WNT7B: variants seen among roughly 807,000 people sequenced by gnomAD.
WNT7B encodes the protein protein Wnt-7b.
Under a neutral mutation model 38.2 loss-of-function variants are expected in WNT7B, and 19 were observed. The ratio of observed to expected loss-of-function variants is 0.50; its 90% CI spans 0.35 to 0.73. The LOEUF (loss-of-function observed/expected upper bound fraction) is 0.73, where lower values mean the gene tolerates loss of function less well. Ranked by LOEUF, WNT7B falls within the 30% of genes least tolerant of loss-of-function variation. WNT7B has a pLI of 0.01. For synonymous variants in WNT7B, 243 were observed against 209.3 expected, an observed-to-expected ratio of 1.16 and a Z score of -1.39; for missense variants, 423 against 507.9, an observed-to-expected ratio of 0.83 and a Z score of 1.61.
At chr22:45,946,577 G>A (rs1408175855) in intron 2 of WNT7B, among the ~76,000 whole-genome samples, 1 of 152,152 alleles carries the variant, frequency 6.6e-6, no homozygotes, top group East Asian at 1.9e-4. Flanking sequence ...AGCCTCTCTC[G>A]ACACATGAGG....
intron 1 of WNT7B, chr22:45,972,116 G>GGGGGGGCCCCCCCC: frequency 1.3e-5 from 7 of 530,722 alleles, no homozygotes; most frequent in Admixed American, 4.1e-5. Flanking sequence ...CCCGGGGGGA[G>GGGGGGGCCCCCCCC]CCCACCCGCC....
chr22:45,932,418 C>CCG (rs368545717), intron 2 of WNT7B, among the ~76,000 whole-genome samples: 2 of 149,870 alleles, frequency 1.3e-5, no homozygotes, highest in Admixed American at 6.6e-5. Flanking sequence ...CTTCCCAGAC[C>CCG]CCCCCCGCCA....
intron 1 of WNT7B, chr22:45,954,868 G>A: frequency 3.2e-6 from 2 of 621,798 alleles, no homozygotes; most frequent in Non-Finnish European, 4.0e-6. Context: ...CTTGCTAGGT[G>A]AGTGGTGCCA....
At chr22:45,930,924 C>T (rs1237299625) in intron 3 of WNT7B, among the ~76,000 whole-genome samples, 174 bp downstream of exon 3, 1 of 152,162 alleles carries the variant, frequency 6.6e-6, no homozygotes, top group Admixed American at 6.5e-5. Flanking sequence ...ACAGCCTCCT[C>T]CCGGTGCTGG....
chr22:45,959,825 C>T (rs577386339), intron 1 of WNT7B, among the ~76,000 whole-genome samples: 293 of 152,290 alleles, frequency 1.9e-3, no homozygotes, highest in African/African-American at 6.7e-3. Context: ...AAGCATTCCC[C>T]AGAAGGACCG....
intron 3 of WNT7B, among the ~76,000 whole-genome samples, chr22:45,929,715 T>G (rs573555603): frequency 4.1e-5 from 6 of 146,912 alleles, no homozygotes; most frequent in Non-Finnish European, 8.9e-5. Flanking sequence ...CATCCACCCG[T>G]GAATCCACTC....
chr22:45,953,721 T>TG (rs1055386902), intron 1 of WNT7B, among the ~76,000 whole-genome samples: 4 of 106,720 alleles, frequency 3.7e-5, no homozygotes, highest in African/African-American at 2.0e-4. Context: ...ATGGCTATGA[T>TG]TTAAAAAAAA....
rs1192276822 is a variant in WNT7B, at chr22:45,951,277, G to C, written c.72-1131C>G. On this transcript the variant is annotated intron_variant, in intron 1 of 3. Transcript: ENST00000339464. The surrounding 1 kb of genome is among the most constrained non-coding windows in gnomAD (Gnocchi z 4.8). ...TTTTTAGTAGAGACAGGATTTCACT[G>C]TGTTGGCCAGGCTGGTCTCGAACTC... 1.3e-5 allele frequency among the ~76,000 whole-genome samples: 2 copies of C among 151,970 alleles called. No individual in the cohort carries two copies. Among genetic ancestry groups the C allele is most frequent in the Non-Finnish European group, 2.9e-5 (2 of 68,002 alleles).
intron 2 of WNT7B, among the ~76,000 whole-genome samples, chr22:45,938,016 AAAT>A (rs1281067753): frequency 1.3e-5 from 2 of 152,222 alleles, no homozygotes; most frequent in Non-Finnish European, 2.9e-5. Context: ...CTAAAAAAAA[AAAT>A]GACATTTTCT....
chr22:45,975,812 C>A lies in WNT7B; in HGVS notation c.71+872G>T. Reference sequence around the variant, plus strand: ...GGGGCCAGCAGCGGGCGGTGGGCGCCCCAGGCGAGGTGCACCGCACCCCCT... The same window carrying A: ...GGGGCCAGCAGCGGGCGGTGGGCGCACCAGGCGAGGTGCACCGCACCCCCT... On this transcript the variant is annotated intron_variant, in intron 1 of 3. Coordinates refer to ENST00000339464, the MANE Select transcript of WNT7B (RefSeq NM_058238.3). This position sits in a 1 kb window ranked among gnomAD's most constrained non-coding sequence, Gnocchi z 6.6. The A allele has an allele frequency of 3.2e-6, 1 of 311,588 alleles. No individual in the cohort carries two copies. The highest frequency in any genetic ancestry group is 5.8e-6 in the Non-Finnish European group (1 of 172,190). 19.3% of individuals were successfully genotyped at this position (311,588 alleles called of 1,614,324 possible).
chr22:45,950,207 C>G, intron 1 of WNT7B, 61 bp from the exon 2 acceptor site: 1 of 1,418,718 alleles, frequency 7.0e-7, no homozygotes, highest in Non-Finnish European at 9.8e-7. Flanking sequence ...TCCTCACCCC[C>G]AACACCTTTC....
rs964265905 is a variant in WNT7B, at chr22:45,971,324, G to C, written c.71+5360C>G. Among the ~76,000 whole-genome samples the C allele has an allele frequency of 5.3e-5, 8 of 152,192 alleles. No individual in the cohort carries two copies. The East Asian group carries it at 1.4e-3, about 26-fold the overall frequency. The stretch of plus-strand genomic sequence containing the variant: ...GCATCCAGCTTAAATTCCCCCAAAC[G>C]GCGGTTCCATAAATGAAACTTCTTT... On this transcript the variant is annotated intron_variant, in intron 1 of 3. Transcript: ENST00000339464.
chr22:45,934,929 C>T (rs545847199), intron 2 of WNT7B, among the ~76,000 whole-genome samples: 1 of 152,356 alleles, frequency 6.6e-6, no homozygotes, highest in Admixed American at 6.5e-5. Context: ...GGACTGTGGG[C>T]TCCCGTGCGC....
intron 1 of WNT7B, among the ~76,000 whole-genome samples, chr22:45,967,347 C>T (rs921219901): frequency 6.6e-6 from 1 of 152,202 alleles, no homozygotes. Context: ...CTGTGTAGGG[C>T]GGCAGCCTTA....
intron 1 of WNT7B, among the ~76,000 whole-genome samples, chr22:45,960,765 A>G (rs1163196371): frequency 6.6e-6 from 1 of 152,238 alleles, no homozygotes; most frequent in Non-Finnish European, 1.5e-5. Flanking sequence ...CCGGGAGGAC[A>G]GCACCTGGCC....
intron 2 of WNT7B, among the ~76,000 whole-genome samples, chr22:45,943,384 C>A (rs1242687623): frequency 6.6e-6 from 1 of 152,270 alleles, no homozygotes; most frequent in Admixed American, 6.5e-5. Context: ...CCAGCGGAGG[C>A]CCTCACACGC....
rs781194715 is a variant in WNT7B, at chr22:45,949,900, G to A, written c.298+20C>T. The A allele has an allele frequency of 1.3e-6, 2 of 1,596,270 alleles. No individual in the cohort carries two copies. The highest frequency in any genetic ancestry group is 8.6e-7 in the Non-Finnish European group (1 of 1,167,126). ...CCTGGCCACAATGGCTGGGCCCCTT[G>A]AGCCCAGAGGCGCCCTTACCTACTC... On this transcript the variant is annotated intron_variant, in intron 2 of 3. Transcript: ENST00000339464.
intron 1 of WNT7B, among the ~76,000 whole-genome samples, chr22:45,959,713 G>C (rs990514950): frequency 6.6e-6 from 1 of 152,050 alleles, no homozygotes; most frequent in Non-Finnish European, 1.5e-5. Context: ...CTCCCGCCTC[G>C]CTCTGGACTG....
At chr22:45,955,992 G>C (rs76359867) in intron 1 of WNT7B, among the ~76,000 whole-genome samples, 1 of 152,178 alleles carries the variant, frequency 6.6e-6, no homozygotes, top group East Asian at 1.9e-4. Flanking sequence ...CCCCAAGGGA[G>C]TGGGGCTGCC....
Sources: gnomAD v4.1 joint callset for allele counts (sites outside exome capture counted in the v4.1 genomes callset) on GRCh38, gnomAD v4.1.1 for gene constraint, Gnocchi (gnomAD v3.1) non-coding constraint, MANE v1.5 for transcripts, NCBI Gene and HGNC (gene_info 2026-07-23, HGNC 2026-07-21) for gene names.